The following PTPRO variants were observed in gnomAD, a reference collection of about 807,000 sequenced individuals.
PTPRO encodes the protein protein tyrosine phosphatase receptor type O, also known as receptor-type tyrosine-protein phosphatase O.
PTPRO carries 62 observed loss-of-function variants against 145.2 expected under a neutral mutation model. That is an observed-to-expected ratio of 0.43 (90% confidence interval 0.35 to 0.53). The LOEUF (loss-of-function observed/expected upper bound fraction) is 0.53. Among genes scored for constraint, PTPRO ranks in the 20% least tolerant of loss-of-function variants. PTPRO has a pLI of 0.01. For missense variants in PTPRO, 1,345 were observed against 1,482.7 expected (o/e 0.91, Z 1.53); for synonymous variants, 565 against 514.7 (o/e 1.10, Z -1.32).
intron 12 of PTPRO, among the ~76,000 whole-genome samples, chr12:15,529,084 T>G (rs1022371610): frequency 1.3e-5 from 2 of 152,026 alleles, no homozygotes; most frequent in Non-Finnish European, 2.9e-5. Context: ...TTTGGGAAAA[T>G]TAAATGCATG....
chr12:15,369,425 G>A (rs542546552), intron 1 of PTPRO, among the ~76,000 whole-genome samples: 79 of 152,214 alleles, frequency 5.2e-4, no homozygotes, highest in South Asian at 1.9e-3. Context: ...GGTAGGATGC[G>A]AAACCTTCTC....
At chr12:15,525,628 A>C (rs6488781) in intron 11 of PTPRO, among the ~76,000 whole-genome samples, 1 of 151,982 alleles carries the variant, frequency 6.6e-6, no homozygotes, top group African/African-American at 2.4e-5. Context: ...GTGGAAGCCC[A>C]GCACTTACAG....
At chr12:15,324,316 C>T (rs1269777164) in intron 1 of PTPRO, among the ~76,000 whole-genome samples, 2 of 152,142 alleles carry the variant, frequency 1.3e-5, no homozygotes, top group South Asian at 2.1e-4. Flanking sequence ...CAGGTTTTTG[C>T]GTGAGTTCTT....
At chr12:15,429,410 G>A (rs11056478) in intron 1 of PTPRO, among the ~76,000 whole-genome samples, 16,653 of 152,144 alleles carry the variant, frequency 0.11, 940 homozygotes, top group African/African-American at 0.13. Context: ...GGATGATGAT[G>A]ATCTAAGAAG....
chr12:15,508,453 A>G (rs1942368457), intron 6 of PTPRO, 118 bp from the exon 7 acceptor site: 1 of 1,112,492 alleles, frequency 9.0e-7, no homozygotes, highest in Non-Finnish European at 1.3e-6. Flanking sequence ...CCGACCGCCA[A>G]TCTTTCTTTG....
At chr12:15,400,252 A>T (rs578180174) in intron 1 of PTPRO, among the ~76,000 whole-genome samples, 1 of 151,710 alleles carries the variant, frequency 6.6e-6, no homozygotes, top group Non-Finnish European at 1.5e-5. Context: ...TGGCCTCCCA[A>T]CGTGCTGAGA....
chr12:15,499,479 G>A lies in PTPRO; in HGVS notation c.546G>A (p.Leu182=). 6.2e-7 allele frequency: 1 copy of A among 1,613,548 alleles called. No homozygotes were observed. Among genetic ancestry groups the A allele is most frequent in the Non-Finnish European group, 8.5e-7 (1 of 1,179,594 alleles). The part of the protein sequence containing the change: ...FKGKTVFNHW[L]PGMCYSNITF... ...GAAAAACAGTATTTAATCACTGGCT[G>A]CCAGGAATGTGTTATAGTAATATCA... Residue 182 remains leucine (L), a synonymous_variant, in exon 4 of 27, where the codon CTG becomes CTA. Transcript: ENST00000281171.
chr12:15,338,332 GAT>G (rs1866839844), intron 1 of PTPRO, among the ~76,000 whole-genome samples: 1 of 152,150 alleles, frequency 6.6e-6, no homozygotes, highest in South Asian at 2.1e-4. Flanking sequence ...ACAGTGGATA[GAT>G]ATAGTCTTTG....
rs1555171439 is a variant in PTPRO at position 15,513,092 on chromosome 12, G to GAAGA, written c.1465-2390_1465-2387dup. On this transcript the variant is annotated intron_variant, in intron 7 of 26. Transcript: ENST00000281171. Reference sequence around the variant, plus strand: ...AGAAGGAAAGAAAGAAAGAAAGAAAGAAGAAAGAAAGAAAGAAAGGAAGGA... The same window carrying GAAGA: ...AGAAGGAAAGAAAGAAAGAAAGAAAGAAGAAAGAAAGAAAGAAAGAAAGGAAGGA... Among the ~76,000 whole-genome samples, 23 of 19,670 alleles carry GAAGA rather than the reference G, an allele frequency of 1.2e-3. 2 individuals carry two copies. The highest frequency in any genetic ancestry group is 4.2e-3 in the South Asian group (2 of 478). 12.9% of individuals were successfully genotyped at this position (19,670 alleles called of 152,430 possible).
chr12:15,525,889 C>G (rs1244102764), intron 11 of PTPRO, among the ~76,000 whole-genome samples: 3 of 152,032 alleles, frequency 2.0e-5, no homozygotes, highest in Admixed American at 1.3e-4. Context: ...AGAATGAGAC[C>G]CATTCCAAAT....
intron 1 of PTPRO, among the ~76,000 whole-genome samples, chr12:15,398,877 CT>C (rs1939416364): frequency 6.6e-6 from 1 of 151,942 alleles, no homozygotes; most frequent in African/African-American, 2.4e-5. Flanking sequence ...TTTCTTAGTA[CT>C]TTTTCTCTTT....
At chr12:15,330,836 G>A (rs1564360) in intron 1 of PTPRO, among the ~76,000 whole-genome samples, 5 of 152,062 alleles carry the variant, frequency 3.3e-5, no homozygotes, top group East Asian at 1.9e-4. Context: ...AACCTTGATC[G>A]CTTTGGCTAG....
In PTPRO at chr12:15,373,539, T is replaced by A. The variant is rs1166695580; in HGVS notation, c.75+50738T>A. On this transcript the variant is annotated intron_variant, in intron 1 of 26. Coordinates refer to ENST00000281171, the MANE Select transcript of PTPRO (RefSeq NM_030667.3). ...CACCCACTCTGCTGTTTCTTGAATG[T>A]AAGATATCATCAAGCTATTCCAGTT... Among the ~76,000 whole-genome samples, 3 of 152,212 alleles carry A rather than the reference T, an allele frequency of 2.0e-5. No homozygotes were observed. In the East Asian group the frequency reaches 5.8e-4, roughly 29 times the overall value.
chr12:15,395,545 T>C (rs1281840557), intron 1 of PTPRO, among the ~76,000 whole-genome samples: 1 of 152,166 alleles, frequency 6.6e-6, no homozygotes, highest in Non-Finnish European at 1.5e-5. Flanking sequence ...AGTCTCTTTC[T>C]TGTATTAGAA....
At chr12:15,580,945 A>C in intron 22 of PTPRO, 114 bp downstream of exon 22, 1 of 1,393,942 alleles carries the variant, frequency 7.2e-7, no homozygotes, top group Non-Finnish European at 1.0e-6. Context: ...CAAATCGCTA[A>C]ATTTAAAACA....
intron 1 of PTPRO, among the ~76,000 whole-genome samples, chr12:15,462,027 C>G (rs961204197): frequency 2.6e-5 from 4 of 152,290 alleles, no homozygotes; most frequent in African/African-American, 9.6e-5. Flanking sequence ...CTTGAAGGTG[C>G]TATGCTCATC....
rs79730529 is a variant in PTPRO, at chr12:15,538,167, C to T, written c.2165-8402C>T. 1.4e-3 allele frequency among the ~76,000 whole-genome samples: 208 copies of T among 152,246 alleles called. 2 individuals are homozygous for T. The East Asian group carries it at 0.038, about 28-fold the overall frequency. On this transcript the variant is annotated intron_variant, in intron 12 of 26. Transcript: ENST00000281171. ...AATCCCTCGCCTCAATATACCCCTC[C>T]TCACTGCAGTCTTCTGAGTGTCACC... is the stretch of plus-strand genomic sequence containing the variant.
chr12:15,488,875 G>C (rs1941943610), intron 2 of PTPRO, among the ~76,000 whole-genome samples: 1 of 152,148 alleles, frequency 6.6e-6, no homozygotes, highest in African/African-American at 2.4e-5. Context: ...GAGGGAAGGG[G>C]TAGTTTCTCA....
In PTPRO at chr12:15,450,959, A is replaced by G. The variant is rs142068204; in HGVS notation, c.76-33015A>G. Among the ~76,000 whole-genome samples the G allele has an allele frequency of 7.0e-3, 1,066 of 152,208 alleles. 24 individuals are homozygous for G. Among genetic ancestry groups the G allele is most frequent in the Admixed American group, 0.056 (849 of 15,268 alleles). ...AGGTATTCAGGCAACAAATAGCACA[A>G]TGAATAGAATGGTACCTCCCATCTC... On this transcript the variant is annotated intron_variant, in intron 1 of 26. Transcript: ENST00000281171.
Sources: gnomAD v4.1 joint callset for allele counts (sites outside exome capture counted in the v4.1 genomes callset) on GRCh38, gnomAD v4.1.1 for gene constraint, MANE v1.5 for transcripts, NCBI Gene and HGNC (gene_info 2026-07-23, HGNC 2026-07-21) for gene names.